GRIP1: variants seen among roughly 807,000 people sequenced by gnomAD.
GRIP1 encodes the protein glutamate receptor-interacting protein 1.
A neutral mutation model predicts 129.9 loss-of-function variants in GRIP1; 45 were observed. That is an observed-to-expected ratio of 0.35 (90% CI 0.27 to 0.44). The LOEUF (loss-of-function observed/expected upper bound fraction) is 0.44. Ranked by LOEUF, GRIP1 falls within the 20% of genes least tolerant of loss-of-function variation. GRIP1 has a pLI of 1.00. For synonymous variants in GRIP1, 530 were observed against 520.8 expected, an observed-to-expected ratio of 1.02 and a Z score of -0.24; for missense variants, 1,196 against 1,396.8, an observed-to-expected ratio of 0.86 and a Z score of 2.29.
At chr12:67,028,243 C>A (rs1011314414) in intron 1 of GRIP1, among the ~76,000 whole-genome samples, 13 of 152,178 alleles carry the variant, frequency 8.5e-5, no homozygotes, top group African/African-American at 3.1e-4. Flanking sequence ...CCTGTTATAT[C>A]CTTTTAGCAA....
At chr12:66,448,014 A>AGTTCCATCCT (rs1592342926) in intron 11 of GRIP1, among the ~76,000 whole-genome samples, 2 of 152,268 alleles carry the variant, frequency 1.3e-5, no homozygotes, top group East Asian at 3.9e-4. Flanking sequence ...TTCAGCGCAC[A>AGTTCCATCCT]GTTCCATCCT....
intron 1 of GRIP1, among the ~76,000 whole-genome samples, chr12:66,663,229 A>G (rs2033616346): frequency 6.6e-6 from 1 of 152,218 alleles, no homozygotes; most frequent in African/African-American, 2.4e-5. Context: ...TACACTAATG[A>G]TAAAATGCTT....
At chr12:66,721,422 G>A (rs776036678) in intron 1 of GRIP1, among the ~76,000 whole-genome samples, 16 of 151,972 alleles carry the variant, frequency 1.1e-4, no homozygotes, top group Admixed American at 2.0e-4. Flanking sequence ...TTACAGGCAC[G>A]TGCCACCACA....
chr12:66,751,347 G>A (rs958950037), intron 1 of GRIP1, among the ~76,000 whole-genome samples: 1 of 152,124 alleles, frequency 6.6e-6, no homozygotes, highest in Non-Finnish European at 1.5e-5. Context: ...GGCTCTTAAC[G>A]GATGCTCAAA....
At chr12:66,719,377 C>A (rs990394080) in intron 1 of GRIP1, among the ~76,000 whole-genome samples, 1 of 152,136 alleles carries the variant, frequency 6.6e-6, no homozygotes, top group African/African-American at 2.4e-5. Flanking sequence ...GATCTTCCAT[C>A]CCTCCTCAGG....
chr12:66,751,660 C>T (rs138381660), intron 1 of GRIP1, among the ~76,000 whole-genome samples: 43 of 152,224 alleles, frequency 2.8e-4, no homozygotes, highest in Admixed American at 1.7e-3. Context: ...GGCAGATGCT[C>T]CATAAATGGG....
chr12:66,415,295 C>T (rs1205707288), intron 15 of GRIP1, among the ~76,000 whole-genome samples: 1 of 151,536 alleles, frequency 6.6e-6, no homozygotes, highest in Non-Finnish European at 1.5e-5. Flanking sequence ...AAAAGATATT[C>T]ATGCAGCCAG....
intron 2 of GRIP1, among the ~76,000 whole-genome samples, chr12:66,577,556 A>C (rs2063184315): frequency 6.6e-6 from 1 of 152,160 alleles, no homozygotes; most frequent in Admixed American, 6.5e-5. Flanking sequence ...ATGAGATCCT[A>C]AGGCAGGTGA....
rs75372346 is a variant in GRIP1, at chr12:67,054,456, A to G, written c.58+14594T>C. Among the ~76,000 whole-genome samples the G allele has an allele frequency of 1.7e-3, 252 of 152,268 alleles. 1 individual carries two copies. In the East Asian group the frequency reaches 0.045, roughly 27 times the overall value. On this transcript the variant is annotated intron_variant, in intron 1 of 1. Transcript: ENST00000643019. Reference sequence around the variant, plus strand: ...TATATAGTTTGTCATGTGCGAAAAAATAAAAATAAAAACACTACAGCTGGG... The same window carrying G: ...TATATAGTTTGTCATGTGCGAAAAAGTAAAAATAAAAACACTACAGCTGGG...
intron 1 of GRIP1, among the ~76,000 whole-genome samples, chr12:66,871,581 A>G (rs999685217): frequency 6.6e-6 from 1 of 152,120 alleles, no homozygotes; most frequent in Non-Finnish European, 1.5e-5. Flanking sequence ...AACTCAATAA[A>G]TGTTGGTATC....
In GRIP1 at chr12:66,662,426, T is replaced by C. The variant is rs11836877; in HGVS notation, c.55+16424A>G. Reference sequence around the variant, plus strand: ...ACCTGTTTAACTTCACATCTTTTTATAGTATCATATTCCCTTGAGGGCAAA... The same window carrying C: ...ACCTGTTTAACTTCACATCTTTTTACAGTATCATATTCCCTTGAGGGCAAA... On this transcript the variant is annotated intron_variant, in intron 1 of 24. Coordinates refer to ENST00000359742, the MANE Select transcript of GRIP1 (RefSeq NM_001366722.1). Among the ~76,000 whole-genome samples, 851 of 152,308 alleles carry C rather than the reference T, an allele frequency of 5.6e-3. 6 individuals carry two copies. Among genetic ancestry groups the C allele is most frequent in the African/African-American group, 0.019 (803 of 41,582 alleles).
At chr12:66,358,266 G>A (rs2054587161) in intron 23 of GRIP1, among the ~76,000 whole-genome samples, 1 of 152,054 alleles carries the variant, frequency 6.6e-6, no homozygotes, top group African/African-American at 2.4e-5. Context: ...TTGGCCACAG[G>A]AAGTCTTTCC....
At chr12:66,367,593 A>T (rs1258629020) in intron 23 of GRIP1, among the ~76,000 whole-genome samples, 2 of 152,234 alleles carry the variant, frequency 1.3e-5, no homozygotes, top group Non-Finnish European at 2.9e-5. Context: ...GTTGAGACCT[A>T]CTAGTAAGTC....
intron 1 of GRIP1, chr12:67,035,404 G>A (rs1231928578): frequency 2.6e-5 from 4 of 152,096 alleles, no homozygotes; most frequent in African/African-American, 9.7e-5. Flanking sequence ...TGTCCTTCAG[G>A]ACACAATGAA....
At position 66,695,273 on chromosome 12, in the gene GRIP1, G is replaced by GT. The variant is rs79419418; in HGVS notation, c.-419-64938dup. ...GCTGACCCAGCATGCAATCTAACCTGTTTTTTTTTTTTTTATGGCATCTGT... is the reference window on the plus strand; with the variant it reads ...GCTGACCCAGCATGCAATCTAACCTGTTTTTTTTTTTTTTTATGGCATCTGT... On this transcript the variant is annotated intron_variant, in intron 1 of 4. Transcript: ENST00000538373. 8.2e-3 allele frequency among the ~76,000 whole-genome samples: 1,198 copies of GT among 145,798 alleles called. 4 individuals are homozygous for GT. The highest frequency in any genetic ancestry group is 0.011 in the African/African-American group (459 of 40,012).
intron 7 of GRIP1, among the ~76,000 whole-genome samples, chr12:66,510,914 T>C (rs1486205571): frequency 6.6e-6 from 1 of 152,186 alleles, no homozygotes; most frequent in Non-Finnish European, 1.5e-5. Context: ...CACATTGTTA[T>C]TCATCCAGGA....
intron 1 of GRIP1, among the ~76,000 whole-genome samples, chr12:67,036,731 T>C (rs2043101686): frequency 6.6e-6 from 1 of 152,078 alleles, no homozygotes; most frequent in African/African-American, 2.4e-5. Flanking sequence ...AATCCTCCAC[T>C]CCTCTGGCAG....
At chr12:66,892,601 T>C (rs367619950) in intron 1 of GRIP1, among the ~76,000 whole-genome samples, 1 of 144,294 alleles carries the variant, frequency 6.9e-6, no homozygotes, top group African/African-American at 2.5e-5. Context: ...TATATACACA[T>C]ATATACACAT....
intron 23 of GRIP1, 111 bp from the exon 24 acceptor site, chr12:66,353,674 A>G: frequency 2.1e-6 from 2 of 957,280 alleles, no homozygotes; most frequent in Middle Eastern, 2.9e-4. Context: ...ATGATTTGTA[A>G]TATCAGCATC....
Sources: allele counts gnomAD v4.1 joint callset (sites outside exome capture counted in the v4.1 genomes callset), GRCh38; gene constraint gnomAD v4.1.1; transcripts MANE v1.5; gene names NCBI Gene and HGNC (gene_info 2026-07-23, HGNC 2026-07-21).